The following DIAPH1 variants were observed in gnomAD, a reference collection of about 807,000 sequenced individuals.
DIAPH1 encodes protein diaphanous homolog 1.
Under a neutral mutation model 140.7 loss-of-function variants are expected in DIAPH1, and 46 were observed. That is an observed-to-expected ratio of 0.33 (90% CI 0.26 to 0.42). The LOEUF is 0.42. Ranked by LOEUF, DIAPH1 falls within the 10% of genes least tolerant of loss-of-function variation. The probability of loss-of-function intolerance (pLI) is 1.00; values close to 1 mark genes in which losing one functional copy is unlikely to be tolerated. For missense variants in DIAPH1, 1,310 were observed against 1,558.7 expected (o/e 0.84, Z 2.69); for synonymous variants, 565 against 551.6 (o/e 1.02, Z -0.34).
chr5:141,608,341 T>G (rs1166916877), intron 1 of DIAPH1, among the ~76,000 whole-genome samples: 1 of 152,178 alleles, frequency 6.6e-6, no homozygotes. Context: ...ATTAGATAAT[T>G]CTTAGCATCC....
At chr5:141,545,744 G>A (rs1054440338) in intron 18 of DIAPH1, among the ~76,000 whole-genome samples, 1 of 152,160 alleles carries the variant, frequency 6.6e-6, no homozygotes, top group African/African-American at 2.4e-5. Context: ...ATATATTTTA[G>A]GCTTTGTGGA....
chr5:141,571,752 A>C (rs1040004376), intron 17 of DIAPH1, 174 bp downstream of exon 17: 2 of 712,900 alleles, frequency 2.8e-6, no homozygotes, highest in African/African-American at 3.5e-5. Context: ...AAGTAACTCC[A>C]TAATATTTAA....
chr5:141,525,907 T>G lies in DIAPH1; in HGVS notation c.3574+131A>C, dbSNP rs1216243175. On this transcript the variant is annotated intron_variant, in intron 26 of 27. Coordinates refer to ENST00000389054, the MANE Select transcript of DIAPH1 (RefSeq NM_005219.5). ...GGGGTTAAAGTCCGGCATCAGGATC[T>G]CGGAGTGAAGACTGCCAAAAATCAT... 27 of 1,424,464 alleles carry G rather than the reference T, an allele frequency of 1.9e-5. No individual in the cohort carries two copies. In the Admixed American group the frequency reaches 4.5e-4, roughly 24 times the overall value. The allele number at this position is 1,424,464 out of a possible 1,614,324, so 88.2% of individuals were successfully genotyped here.
chr5:141,577,737 A>C, intron 11 of DIAPH1, 146 bp from the exon 12 acceptor site: 1 of 690,198 alleles, frequency 1.4e-6, no homozygotes, highest in South Asian at 1.5e-5. Context: ...CATCACCAGA[A>C]ACTTTAAGCT....
At chr5:141,519,610 G>T (rs115820322) in intron 27 of DIAPH1, among the ~76,000 whole-genome samples, 70 of 152,304 alleles carry the variant, frequency 4.6e-4, no homozygotes, top group Middle Eastern at 6.8e-3. Flanking sequence ...GACTCAAGAA[G>T]CTTCTGATGT....
At chr5:141,561,408 CTG>C (rs1273572666) in intron 18 of DIAPH1, among the ~76,000 whole-genome samples, 5 of 147,696 alleles carry the variant, frequency 3.4e-5, no homozygotes, top group African/African-American at 7.5e-5. Flanking sequence ...CAAAAAGAAA[CTG>C]TTAAGAGTGA....
At chr5:141,528,431 G>C in intron 23 of DIAPH1, 22 bp downstream of exon 23, 1 of 1,614,022 alleles carries the variant, frequency 6.2e-7, no homozygotes, top group South Asian at 1.1e-5. Context: ...TTGGGCTCTA[G>C]CTTCATTCCA....
chr5:141,543,682 T>C (rs2099890341), intron 18 of DIAPH1, among the ~76,000 whole-genome samples: 1 of 152,216 alleles, frequency 6.6e-6, no homozygotes, highest in South Asian at 2.1e-4. Flanking sequence ...CTAAGAAAGA[T>C]GTTTGGTAAG....
At chr5:141,520,803 C>T (rs763258409) in intron 27 of DIAPH1, among the ~76,000 whole-genome samples, 9 of 152,172 alleles carry the variant, frequency 5.9e-5, no homozygotes, top group Non-Finnish European at 1.3e-4. Context: ...TGTTCAATCA[C>T]GCAGGCTGAG....
Position 141,580,450 on chromosome 5 carries a change from T to TA in DIAPH1, c.824+293dup, listed in dbSNP as rs3214265. ...AAATAACATTGTGCCACTTCTGAAT[T>TA]AAAAAAAAAAAGAATAGTAAAAAGA... On this transcript the variant is annotated intron_variant, in intron 8 of 27. Transcript: ENST00000389054. Among the ~76,000 whole-genome samples, 32,296 of 147,180 alleles carry TA rather than the reference T, an allele frequency of 0.22. 3,573 individuals are homozygous for TA. The highest frequency in any genetic ancestry group is 0.32 in the Admixed American group (4,716 of 14,842).
chr5:141,560,192 A>C (rs1412378974), intron 18 of DIAPH1, among the ~76,000 whole-genome samples: 1 of 152,144 alleles, frequency 6.6e-6, no homozygotes, highest in Admixed American at 6.5e-5. Context: ...ATTCCCTCTT[A>C]ATCTATATGT....
At chr5:141,585,014 G>A (rs1024118707) in intron 3 of DIAPH1, among the ~76,000 whole-genome samples, 1 of 151,938 alleles carries the variant, frequency 6.6e-6, no homozygotes, top group Non-Finnish European at 1.5e-5. Flanking sequence ...GAGTGCAATG[G>A]CACAATCTTG....
chr5:141,603,223 G>A (rs2099900439), intron 1 of DIAPH1, among the ~76,000 whole-genome samples: 1 of 152,176 alleles, frequency 6.6e-6, no homozygotes, highest in South Asian at 2.1e-4. Context: ...CCTCCATTTG[G>A]TTCAGAGTGC....
At chr5:141,584,792 T>C (rs1012474067) in intron 3 of DIAPH1, among the ~76,000 whole-genome samples, 20 of 152,334 alleles carry the variant, frequency 1.3e-4, no homozygotes, top group African/African-American at 4.8e-4. Flanking sequence ...TCTTTCTACA[T>C]ATATAACAAC....
At chr5:141,614,973 T>G (rs949521573) in intron 1 of DIAPH1, among the ~76,000 whole-genome samples, 1 of 152,208 alleles carries the variant, frequency 6.6e-6, no homozygotes, top group Non-Finnish European at 1.5e-5. Flanking sequence ...ACAACTCCAC[T>G]TCTTTCTGCC....
At chr5:141,582,420 C>T (rs1434197633) in intron 6 of DIAPH1, 45 bp from the exon 7 acceptor site, 1 of 1,388,082 alleles carries the variant, frequency 7.2e-7, no homozygotes, top group East Asian at 2.3e-5. Flanking sequence ...TATTCTCTAC[C>T]CCTTTCCCAT....
At chr5:141,523,049 G>T (rs949156763) in intron 27 of DIAPH1, among the ~76,000 whole-genome samples, 5 of 152,192 alleles carry the variant, frequency 3.3e-5, no homozygotes, top group African/African-American at 1.2e-4. Flanking sequence ...CATGCTCTAA[G>T]GTCCCCCTTT....
Position 141,526,335 on chromosome 5 carries a change from A to G in DIAPH1, c.3400T>C (p.Phe1134Leu). 1 of 1,614,184 alleles carries G rather than the reference A, an allele frequency of 6.2e-7. No individual in the cohort carries two copies. The highest frequency in any genetic ancestry group is 8.5e-7 in the Non-Finnish European group (1 of 1,180,030). Reference sequence around the variant, plus strand: ...CGAAAATTGTGAAGATCCATGAAAAATTCTTCAACAGACAACTTCTTGGGG... The same window carrying G: ...CGAAAATTGTGAAGATCCATGAAAAGTTCTTCAACAGACAACTTCTTGGGG... ...FDPKKLSVEE[F>L]FMDLHNFRNM... Residue 1134 changes from phenylalanine to leucine, a missense_variant, in exon 25 of 28, where the codon TTT becomes CTT. Transcript: ENST00000389054.
chr5:141,589,971 G>A (rs886787923), intron 1 of DIAPH1, among the ~76,000 whole-genome samples: 5 of 150,798 alleles, frequency 3.3e-5, no homozygotes, highest in Non-Finnish European at 7.4e-5. Context: ...GGCTGGTCTC[G>A]AACCCCTGGG....
Sources: gnomAD v4.1 joint callset for allele counts (sites outside exome capture counted in the v4.1 genomes callset) on GRCh38, gnomAD v4.1.1 for gene constraint, MANE v1.5 for transcripts, NCBI Gene and HGNC (gene_info 2026-07-23, HGNC 2026-07-21) for gene names.